Variants in PTPRN2 observed in about 807,000 individuals in gnomAD.
PTPRN2 encodes protein tyrosine phosphatase receptor type N2.
PTPRN2 carries 74 observed loss-of-function variants against 118.8 expected under a neutral mutation model. That is an observed-to-expected ratio of 0.62 (90% CI 0.52 to 0.76). The LOEUF is 0.76. Among genes scored for constraint, PTPRN2 ranks in the 30% least tolerant of loss-of-function variants. The probability of loss-of-function intolerance (pLI) is 0.00; values close to 1 mark genes in which losing one functional copy is unlikely to be tolerated. For missense variants in PTPRN2, 1,481 were observed against 1,394.4 expected (o/e 1.06, Z -0.99); for synonymous variants, 641 against 608.0 (o/e 1.05, Z -0.80).
chr7:158,506,693 G>A (rs1189981947), intron 1 of PTPRN2, among the ~76,000 whole-genome samples: 3 of 151,914 alleles, frequency 2.0e-5, no homozygotes, highest in African/African-American at 7.2e-5. Flanking sequence ...TGGCAGGAAG[G>A]GCCCCGATCC....
At chr7:158,280,860 C>T (rs530078309) in intron 3 of PTPRN2, among the ~76,000 whole-genome samples, 64 of 152,326 alleles carry the variant, frequency 4.2e-4, no homozygotes, top group Middle Eastern at 3.4e-3. Context: ...GGAGGCCTCA[C>T]GGCAGCTGTG....
chr7:158,269,842 A>C (rs1798176843), intron 3 of PTPRN2, among the ~76,000 whole-genome samples: 1 of 151,778 alleles, frequency 6.6e-6, no homozygotes, highest in African/African-American at 2.4e-5. Flanking sequence ...AGGGATAGGG[A>C]GTCGGAGACA....
chr7:158,344,115 C>A (rs535755199), intron 2 of PTPRN2, among the ~76,000 whole-genome samples: 37 of 152,228 alleles, frequency 2.4e-4, no homozygotes, highest in African/African-American at 7.9e-4. Flanking sequence ...TGTCCCCCTG[C>A]CGAGGAGCCA....
At chr7:157,737,152 T>C (rs983481222) in intron 12 of PTPRN2, among the ~76,000 whole-genome samples, 1 of 152,250 alleles carries the variant, frequency 6.6e-6, no homozygotes, top group Non-Finnish European at 1.5e-5. Flanking sequence ...ATTTGACATG[T>C]ATTTCATGAA....
At chr7:158,532,523 G>A (rs1164694466) in intron 1 of PTPRN2, among the ~76,000 whole-genome samples, 1 of 152,178 alleles carries the variant, frequency 6.6e-6, no homozygotes, top group Non-Finnish European at 1.5e-5. Flanking sequence ...CTGGAAGTTG[G>A]AGCGTGGTGG....
At chr7:157,857,462 T>G (rs1167793374) in intron 12 of PTPRN2, 3 of 152,254 alleles carry the variant, frequency 2.0e-5, no homozygotes, top group Non-Finnish European at 4.4e-5. Context: ...TGTGGCAGGC[T>G]CGGCGCGTGA....
chr7:157,721,932 A>T (rs1799259790), intron 12 of PTPRN2, among the ~76,000 whole-genome samples: 1 of 152,242 alleles, frequency 6.6e-6, no homozygotes, highest in Non-Finnish European at 1.5e-5. Flanking sequence ...TGTGTCTTCA[A>T]ACGAGAACAC....
chr7:158,283,002 C>T lies in PTPRN2; in HGVS notation c.277+33817G>A, dbSNP rs77075657. 1.1e-4 allele frequency among the ~76,000 whole-genome samples: 17 copies of T among 150,722 alleles called. No homozygotes were observed. The East Asian group carries it at 2.2e-3, about 19-fold the overall frequency. ...GCTCGTCCCTCCTCATGCTCCCACA[C>T]GCACAGCAGCCGGACACAGATGGCT... is the stretch of plus-strand genomic sequence containing the variant. On this transcript the variant is annotated intron_variant, in intron 3 of 22. Transcript: ENST00000389418.
intron 12 of PTPRN2, among the ~76,000 whole-genome samples, chr7:157,701,722 G>A (rs1234883095): frequency 6.6e-6 from 1 of 152,274 alleles, no homozygotes; most frequent in Non-Finnish European, 1.5e-5. Flanking sequence ...CTTAACTGAC[G>A]TGGGCTGTGC....
intron 11 of PTPRN2, among the ~76,000 whole-genome samples, chr7:157,956,650 T>G (rs1352898381): frequency 6.6e-6 from 1 of 152,220 alleles, no homozygotes; most frequent in Non-Finnish European, 1.5e-5. Context: ...GACAGAGTGA[T>G]GCCAAGACAG....
chr7:157,646,993 C>T lies in PTPRN2; in HGVS notation c.2196+9364G>A, dbSNP rs375313685. ...GGACCCATTCACTGTGCACTGAACTCGGTGGGTCGGACCCATTCACTGTGC... is the reference window on the plus strand; with the variant it reads ...GGACCCATTCACTGTGCACTGAACTTGGTGGGTCGGACCCATTCACTGTGC... On this transcript the variant is annotated intron_variant, in intron 14 of 22. Coordinates refer to ENST00000389418, the MANE Select transcript of PTPRN2 (RefSeq NM_002847.5). Among the ~76,000 whole-genome samples, 68 of 145,770 alleles carry T rather than the reference C, an allele frequency of 4.7e-4. No individual in the cohort carries two copies. The South Asian group carries it at 0.013, about 27-fold the overall frequency.
At chr7:157,776,265 CCTCTT>C (rs1378830722) in intron 12 of PTPRN2, among the ~76,000 whole-genome samples, 84 of 144,456 alleles carry the variant, frequency 5.8e-4, no homozygotes, top group African/African-American at 7.6e-4. Flanking sequence ...CCTCCTCCCT[CCTCTT>C]CCTCTTCACC....
intron 3 of PTPRN2, among the ~76,000 whole-genome samples, chr7:158,225,246 A>T (rs1828664441): frequency 6.6e-6 from 1 of 152,212 alleles, no homozygotes; most frequent in Non-Finnish European, 1.5e-5. Context: ...CAAAGAAATG[A>T]AGACTTATGT....
At chr7:158,477,902 G>A (rs1438314585) in intron 2 of PTPRN2, among the ~76,000 whole-genome samples, 3 of 152,218 alleles carry the variant, frequency 2.0e-5, no homozygotes, top group African/African-American at 7.2e-5. Context: ...TGCCCCAACA[G>A]GCAGGAAGCA....
chr7:158,150,494 C>T (rs999821544), intron 6 of PTPRN2, among the ~76,000 whole-genome samples: 1 of 152,290 alleles, frequency 6.6e-6, no homozygotes, highest in African/African-American at 2.4e-5. Context: ...CTGCACTGAC[C>T]TTCACTGCAA....
chr7:158,182,618 C>T (rs1255879334), intron 5 of PTPRN2, among the ~76,000 whole-genome samples: 1 of 152,168 alleles, frequency 6.6e-6, no homozygotes, highest in Non-Finnish European at 1.5e-5. Context: ...ATGATGGCTT[C>T]TAGCTTCATC....
intron 3 of PTPRN2, among the ~76,000 whole-genome samples, chr7:158,279,687 G>A (rs564060222): frequency 6.0e-4 from 91 of 152,092 alleles, no homozygotes; most frequent in African/African-American, 2.0e-3. Flanking sequence ...AGCCCCGTGT[G>A]CAGCCCCGGC....
chr7:157,982,830 C>T (rs1336770375), intron 11 of PTPRN2, among the ~76,000 whole-genome samples: 1 of 129,956 alleles, frequency 7.7e-6, no homozygotes, highest in Non-Finnish European at 1.6e-5. Context: ...CCCCCCTAAA[C>T]CCCGAGTCAC....
intron 13 of PTPRN2, among the ~76,000 whole-genome samples, chr7:157,681,085 G>T (rs1053882891): frequency 6.6e-6 from 1 of 151,884 alleles, no homozygotes; most frequent in Non-Finnish European, 1.5e-5. Flanking sequence ...TCCTAAGTAT[G>T]CATTTTCAAC....
Sources: allele counts gnomAD v4.1 joint callset (sites outside exome capture counted in the v4.1 genomes callset), GRCh38; gene constraint gnomAD v4.1.1; transcripts MANE v1.5; gene names NCBI Gene and HGNC (gene_info 2026-07-23, HGNC 2026-07-21).